Variants in PDK1 observed in about 807,000 individuals in gnomAD.
PDK1 encodes [Pyruvate dehydrogenase (acetyl-transferring)] kinase isozyme 1, mitochondrial.
In PDK1, 39 loss-of-function variants were observed where a neutral mutation model predicts 54.2. That is an observed-to-expected ratio of 0.72 (90% CI 0.56 to 0.94). The LOEUF (loss-of-function observed/expected upper bound fraction) is 0.94. PDK1 is among the 40% of genes least tolerant of loss of function. The pLI, the probability that PDK1 is intolerant of heterozygous loss-of-function variation, is 0.00. For missense variants in PDK1, 552 were observed against 566.0 expected (o/e 0.98, Z 0.25); for synonymous variants, 221 against 207.1 (o/e 1.07, Z -0.58).
chr2:172,716,449 C>T, the PDK1 span, among the ~76,000 whole-genome samples: 1 of 151,982 alleles, frequency 6.6e-6, no homozygotes, highest in African/African-American at 2.4e-5. Flanking sequence ...CCTCACCTCC[C>T]GAATAGCTGG....
the PDK1 span, among the ~76,000 whole-genome samples, chr2:172,680,074 G>A: frequency 6.6e-6 from 1 of 152,180 alleles, no homozygotes; most frequent in South Asian, 2.1e-4. Flanking sequence ...TCTTAGTAGA[G>A]TTATATTGTA....
At chr2:172,658,567 AG>A in the PDK1 span, among the ~76,000 whole-genome samples, 2 of 152,208 alleles carry the variant, frequency 1.3e-5, no homozygotes, top group Non-Finnish European at 2.9e-5. Context: ...TTGGGCAAAA[AG>A]AGCCATATTT....
At chr2:172,676,649 G>A in the PDK1 span, among the ~76,000 whole-genome samples, 2 of 152,204 alleles carry the variant, frequency 1.3e-5, no homozygotes, top group African/African-American at 2.4e-5. Context: ...CTTTACTCCT[G>A]AGGAAGATGC....
At position 172,598,113 on chromosome 2, in the gene PDK1, C is replaced by T. The variant is rs939405103; in HGVS notation, c.*2144C>T. On this transcript the variant is annotated 3_prime_UTR_variant, in exon 11 of 11. Transcript: ENST00000282077. ...TGTTAATGAGTAATTTATATTAGTT[C>T]GATGTATTACAATTTTTTAGCTTTA... 5 of 152,008 alleles carry T rather than the reference C, an allele frequency of 3.3e-5. No individual in the cohort carries two copies. The highest frequency in any genetic ancestry group is 4.2e-4 in the South Asian group (2 of 4,816). 9.4% of individuals were successfully genotyped at this position (152,008 alleles called of 1,614,324 possible). A position where few individuals can be genotyped will look rare whatever the true frequency, so the allele number is the denominator to read the frequency against.
At chr2:172,661,054 G>A in the PDK1 span, among the ~76,000 whole-genome samples, 1 of 152,174 alleles carries the variant, frequency 6.6e-6, no homozygotes, top group Non-Finnish European at 1.5e-5. Flanking sequence ...ATGATGATGT[G>A]ACCCTACAAG....
chr2:172,579,681 T>C (rs1016629830), intron 8 of PDK1, among the ~76,000 whole-genome samples: 4 of 151,676 alleles, frequency 2.6e-5, no homozygotes, highest in Non-Finnish European at 5.9e-5. Flanking sequence ...AGGTGTCTAC[T>C]TTTGTTTAAC....
chr2:172,627,642 A>G, the PDK1 span, among the ~76,000 whole-genome samples: 1 of 152,194 alleles, frequency 6.6e-6, no homozygotes, highest in Non-Finnish European at 1.5e-5. Flanking sequence ...AAGCATGGAA[A>G]TTAAGGAAAA....
chr2:172,714,274 A>G, the PDK1 span, among the ~76,000 whole-genome samples: 2 of 152,206 alleles, frequency 1.3e-5, no homozygotes, highest in Non-Finnish European at 2.9e-5. Context: ...AACATATACA[A>G]TATAATCTAA....
chr2:172,688,099 T>C, the PDK1 span, among the ~76,000 whole-genome samples: 2 of 152,238 alleles, frequency 1.3e-5, no homozygotes, highest in Admixed American at 1.3e-4. Flanking sequence ...CAGACACATA[T>C]ATTTTTCCTT....
chr2:172,701,589 C>G, the PDK1 span, among the ~76,000 whole-genome samples: 2 of 149,454 alleles, frequency 1.3e-5, no homozygotes, highest in African/African-American at 4.9e-5. Context: ...TTTCTCTTTT[C>G]AGAGTCTGTG....
the PDK1 span, among the ~76,000 whole-genome samples, chr2:172,616,670 C>T: frequency 6.6e-6 from 1 of 152,142 alleles, no homozygotes; most frequent in Non-Finnish European, 1.5e-5. Flanking sequence ...TATTATGCTA[C>T]ATAATTTACT....
chr2:172,680,352 T>C, the PDK1 span, among the ~76,000 whole-genome samples: 3 of 152,094 alleles, frequency 2.0e-5, no homozygotes, highest in Non-Finnish European at 4.4e-5. Flanking sequence ...TTCTTTCTTT[T>C]CTTTTCTTTT....
the PDK1 span, among the ~76,000 whole-genome samples, chr2:172,625,930 C>T: frequency 0.02 from 2,980 of 152,166 alleles, 87 homozygotes; most frequent in African/African-American, 0.066. Flanking sequence ...TAAACATAAA[C>T]GTCACAAAGA....
At chr2:172,575,691 G>A (rs1574493428) in intron 8 of PDK1, among the ~76,000 whole-genome samples, 1 of 152,054 alleles carries the variant, frequency 6.6e-6, no homozygotes, top group East Asian at 2.0e-4. Flanking sequence ...GCACGGTGGT[G>A]CGTGCCTGTA....
chr2:172,583,468 A>G (rs1249545157), intron 8 of PDK1, among the ~76,000 whole-genome samples: 1 of 151,308 alleles, frequency 6.6e-6, no homozygotes, highest in African/African-American at 2.4e-5. Flanking sequence ...TAATTTTTGT[A>G]TTTTTAGTAG....
chr2:172,680,732 G>C, the PDK1 span, among the ~76,000 whole-genome samples: 1 of 152,062 alleles, frequency 6.6e-6, no homozygotes, highest in Non-Finnish European at 1.5e-5. Context: ...TTGAAAACTT[G>C]ACTCCAACAA....
At chr2:172,690,292 C>A in the PDK1 span, among the ~76,000 whole-genome samples, 1 of 150,324 alleles carries the variant, frequency 6.7e-6, no homozygotes, top group African/African-American at 2.4e-5. Flanking sequence ...AAATCAAAAC[C>A]ACAATGAGAT....
intron 10 of PDK1, among the ~76,000 whole-genome samples, chr2:172,595,516 C>T (rs1252127789): frequency 3.9e-5 from 6 of 152,266 alleles, no homozygotes; most frequent in African/African-American, 1.4e-4. Flanking sequence ...TAACCAACTT[C>T]TTCAGTTAGC....
chr2:172,676,327 G>A, the PDK1 span, among the ~76,000 whole-genome samples: 20 of 152,170 alleles, frequency 1.3e-4, no homozygotes, highest in Admixed American at 6.5e-5. Flanking sequence ...TCTGGGCAAA[G>A]TAAATAGAAA....
Sources: gnomAD v4.1 joint callset for allele counts (sites outside exome capture counted in the v4.1 genomes callset) on GRCh38, gnomAD v4.1.1 for gene constraint, MANE v1.5 for transcripts, NCBI Gene and HGNC (gene_info 2026-07-23, HGNC 2026-07-21) for gene names.